The following RPTOR variants were observed in gnomAD, a reference collection of about 807,000 sequenced individuals.
The protein encoded by RPTOR is regulatory-associated protein of mTOR.
In RPTOR, 21 loss-of-function variants were observed where a neutral mutation model predicts 169.9. The ratio of observed to expected loss-of-function variants is 0.12; its 90% CI spans 0.09 to 0.18. RPTOR has a LOEUF of 0.18. Ranked by LOEUF, RPTOR falls within the 10% of genes least tolerant of loss-of-function variation. The probability of loss-of-function intolerance (pLI) is 1.00; values close to 1 mark genes in which losing one functional copy is unlikely to be tolerated. For synonymous variants in RPTOR, 732 were observed against 753.2 expected, an observed-to-expected ratio of 0.97 and a Z score of 0.46; for missense variants, 1,133 against 1,855.9, an observed-to-expected ratio of 0.61 and a Z score of 7.16.
intron 14 of RPTOR, 87 bp downstream of exon 14, chr17:80,880,576 CGG>C: frequency 7.8e-7 from 1 of 1,281,946 alleles, no homozygotes; most frequent in Non-Finnish European, 1.1e-6. Context: ...GGCCTTTTGA[CGG>C]GGGCTACAGG....
chr17:80,600,811 C>T (rs533234902), intron 1 of RPTOR, among the ~76,000 whole-genome samples: 131 of 152,020 alleles, frequency 8.6e-4, no homozygotes, highest in Non-Finnish European at 1.6e-3. Context: ...AGAGGATGGA[C>T]AGTGGCAGAT....
chr17:80,930,399 C>T, intron 24 of RPTOR, among the ~76,000 whole-genome samples: 1 of 134,210 alleles, frequency 7.5e-6, no homozygotes, highest in Non-Finnish European at 1.6e-5. Flanking sequence ...AGCTCATTCT[C>T]AGCTCATCCC....
intron 4 of RPTOR, among the ~76,000 whole-genome samples, chr17:80,718,338 G>C (rs900748204): frequency 6.6e-6 from 1 of 152,104 alleles, no homozygotes; most frequent in Admixed American, 6.5e-5. Flanking sequence ...TTTTTGTCTT[G>C]CACTATGTTC....
intron 13 of RPTOR, among the ~76,000 whole-genome samples, chr17:80,870,115 A>G (rs1380885645): frequency 6.6e-6 from 1 of 152,204 alleles, no homozygotes; most frequent in African/African-American, 2.4e-5. Flanking sequence ...TTTTTCATAG[A>G]TAAAATTAAT....
At chr17:80,575,933 C>T (rs1024707193) in intron 1 of RPTOR, among the ~76,000 whole-genome samples, 3 of 152,044 alleles carry the variant, frequency 2.0e-5, no homozygotes, top group Admixed American at 1.3e-4. Context: ...TTGTATCTTC[C>T]TGGTAAATTG....
intron 6 of RPTOR, among the ~76,000 whole-genome samples, chr17:80,755,999 A>G (rs2066677484): frequency 6.6e-6 from 1 of 152,226 alleles, no homozygotes; most frequent in African/African-American, 2.4e-5. Flanking sequence ...AGTGTAATAC[A>G]TACAATCAAA....
At chr17:80,692,650 A>G (rs1340053721) in intron 3 of RPTOR, among the ~76,000 whole-genome samples, 1 of 151,548 alleles carries the variant, frequency 6.6e-6, no homozygotes, top group African/African-American at 2.4e-5. Context: ...TTTAGTAGTG[A>G]TGAAGTCTTC....
rs951025007 is a variant in RPTOR, at chr17:80,892,978, C to T, written c.2242+109C>T. On this transcript the variant is annotated intron_variant, in intron 19 of 33. Transcript: ENST00000306801. ...CTGCCCCTGCCCCTTCGTCTAAGTG[C>T]GTGCCCTGAAGTCCCATCTGCCAAC... The T allele has an allele frequency of 9.7e-6, 13 of 1,345,032 alleles. No individual in the cohort carries two copies. The East Asian group carries it at 1.4e-4, about 15-fold the overall frequency. The allele number at this position is 1,345,032 out of a possible 1,614,324, so 83.3% of individuals were successfully genotyped here.
chr17:80,719,125 A>C (rs1416296475), intron 4 of RPTOR, among the ~76,000 whole-genome samples: 1 of 152,168 alleles, frequency 6.6e-6, no homozygotes, highest in Non-Finnish European at 1.5e-5. Context: ...CGTGAGAAGT[A>C]GGGGCAGACA....
intron 20 of RPTOR, among the ~76,000 whole-genome samples, chr17:80,901,604 C>A (rs1050004697): frequency 7.2e-5 from 11 of 152,172 alleles, no homozygotes; most frequent in Non-Finnish European, 1.2e-4. Flanking sequence ...ACACAGAATC[C>A]CATTGTGCAC....
chr17:80,925,624 C>T lies in RPTOR; in HGVS notation c.2919+144C>T, dbSNP rs999553969. ...GTGATGGTCACGGTTGAGGTAGAACCGCAGAAGAAACAAACTTCACTTACC... is the reference window on the plus strand; with the variant it reads ...GTGATGGTCACGGTTGAGGTAGAACTGCAGAAGAAACAAACTTCACTTACC... On this transcript the variant is annotated intron_variant, in intron 24 of 33. Coordinates refer to ENST00000306801, the MANE Select transcript of RPTOR (RefSeq NM_020761.3). The T allele has an allele frequency of 2.7e-5, 18 of 660,848 alleles. 1 individual carries two copies. Among genetic ancestry groups the T allele is most frequent in the African/African-American group, 2.0e-4 (11 of 54,980 alleles). 40.9% of individuals were successfully genotyped at this position (660,848 alleles called of 1,614,324 possible).
At chr17:80,728,024 C>CGGAT (rs1366172582) in intron 4 of RPTOR, among the ~76,000 whole-genome samples, 2 of 151,890 alleles carry the variant, frequency 1.3e-5, no homozygotes, top group African/African-American at 2.4e-5. Context: ...AATGGATGGG[C>CGGAT]GGATGGATGG....
At chr17:80,829,415 T>G (rs1464756498) in intron 9 of RPTOR, among the ~76,000 whole-genome samples, 1 of 152,074 alleles carries the variant, frequency 6.6e-6, no homozygotes, top group Admixed American at 6.5e-5. Flanking sequence ...AGTCATAGAG[T>G]AGCCAAAAGT....
chr17:80,750,406 C>T (rs891644043), intron 5 of RPTOR, among the ~76,000 whole-genome samples: 8 of 152,354 alleles, frequency 5.3e-5, no homozygotes, highest in South Asian at 2.1e-4. Context: ...ATGGCGCCTT[C>T]CACAGTTCAG....
In RPTOR at chr17:80,921,921, C is replaced by T. The variant is rs556338808; in HGVS notation, c.2521-803C>T. Among the ~76,000 whole-genome samples, 12 of 152,328 alleles carry T rather than the reference C, an allele frequency of 7.9e-5. No homozygotes were observed. In the East Asian group the frequency reaches 1.9e-3, roughly 25 times the overall value. On this transcript the variant is annotated intron_variant, in intron 21 of 33. Transcript: ENST00000306801. ...CATGCAGTGCACCCAGCACCACCTG[C>T]GTGCGCCCGTGGGAAAGGATGACCA...
At chr17:80,822,791 T>C (rs1463247790) in intron 8 of RPTOR, among the ~76,000 whole-genome samples, 6 of 79,990 alleles carry the variant, frequency 7.5e-5, no homozygotes, top group Non-Finnish European at 1.5e-4. Flanking sequence ...CCTGTATGTG[T>C]GTGCGTGTAT....
At chr17:80,840,299 T>C (rs1173878029) in intron 10 of RPTOR, among the ~76,000 whole-genome samples, 1 of 150,346 alleles carries the variant, frequency 6.7e-6, no homozygotes, top group Non-Finnish European at 1.5e-5. Flanking sequence ...GCACCGCAGC[T>C]CACACTCACC....
At chr17:80,840,890 T>C in intron 10 of RPTOR, among the ~76,000 whole-genome samples, 1 of 124,204 alleles carries the variant, frequency 8.1e-6, no homozygotes, top group Admixed American at 7.9e-5. Context: ...ACACGGCAGC[T>C]CACACTCACC....
Position 80,845,969 on chromosome 17 carries a change from G to A in RPTOR, c.1213-504G>A, listed in dbSNP as rs752178511. ...GCCGGGCCCTCACCGGCCCCAGCGC[G>A]GCCCCAGCTCATCTCCTTGGTCTCC... On this transcript the variant is annotated intron_variant, in intron 10 of 33. Coordinates refer to ENST00000306801, the MANE Select transcript of RPTOR (RefSeq NM_020761.3). The surrounding 1 kb of genome is among the most constrained non-coding windows in gnomAD (Gnocchi z 5.4). Among the ~76,000 whole-genome samples, 7 of 152,138 alleles carry A rather than the reference G, an allele frequency of 4.6e-5. No homozygotes were observed. Among genetic ancestry groups the A allele is most frequent in the African/African-American group, 7.2e-5 (3 of 41,416 alleles).
Sources: gnomAD v4.1 joint callset for allele counts (sites outside exome capture counted in the v4.1 genomes callset) on GRCh38, gnomAD v4.1.1 for gene constraint, Gnocchi (gnomAD v3.1) non-coding constraint, MANE v1.5 for transcripts, NCBI Gene and HGNC (gene_info 2026-07-23, HGNC 2026-07-21) for gene names.